ADAMTSL3: variants seen among roughly 807,000 people sequenced by gnomAD.
ADAMTSL3 encodes the protein ADAMTS like 3.
In ADAMTSL3, 128 loss-of-function variants were observed where a neutral mutation model predicts 201.7. The ratio of observed to expected loss-of-function variants is 0.63; its 90% CI spans 0.55 to 0.73. The LOEUF is 0.73. Among genes scored for constraint, ADAMTSL3 ranks in the 30% least tolerant of loss-of-function variants. ADAMTSL3 has a pLI of 0.00. For synonymous variants in ADAMTSL3, 738 were observed against 748.4 expected, an observed-to-expected ratio of 0.99 and a Z score of 0.23; for missense variants, 1,990 against 2,119.6, an observed-to-expected ratio of 0.94 and a Z score of 1.20.
chr15:83,668,512 GTT>G (rs1230252958), intron 2 of ADAMTSL3, among the ~76,000 whole-genome samples: 3 of 151,722 alleles, frequency 2.0e-5, no homozygotes, highest in Non-Finnish European at 4.4e-5. Flanking sequence ...GTGTATGTGT[GTT>G]TGTGTTTCAG....
At chr15:83,910,436 G>A (rs2065910156) in intron 15 of ADAMTSL3, among the ~76,000 whole-genome samples, 1 of 146,516 alleles carries the variant, frequency 6.8e-6, no homozygotes, top group African/African-American at 2.5e-5. Context: ...GCTGGATTCT[G>A]TGTAATTATT....
chr15:83,812,932 A>G (rs1219641977), intron 5 of ADAMTSL3, among the ~76,000 whole-genome samples: 2 of 152,222 alleles, frequency 1.3e-5, no homozygotes, highest in African/African-American at 4.8e-5. Flanking sequence ...AACCTGCCCA[A>G]GGTCACAGAA....
Position 83,688,755 on chromosome 15 carries a change from T to TACAC in ADAMTSL3, c.70-15610_70-15607dup, listed in dbSNP as rs34509050. Among the ~76,000 whole-genome samples, 31 of 149,086 alleles carry TACAC rather than the reference T, an allele frequency of 2.1e-4. No homozygotes were observed. The East Asian group carries it at 2.1e-3, about 10-fold the overall frequency. On this transcript the variant is annotated intron_variant, in intron 2 of 29. Coordinates refer to ENST00000286744, the MANE Select transcript of ADAMTSL3 (RefSeq NM_207517.3). ...TGTTAAGTATACACATGCATATATA[T>TACAC]ACACACACACACACACACACACACA...
chr15:83,714,791 T>TTCTTTCTTTCTTTTTCTTTCTCTC (rs1555433213), intron 3 of ADAMTSL3, among the ~76,000 whole-genome samples: 2 of 78,796 alleles, frequency 2.5e-5, no homozygotes, highest in Non-Finnish European at 2.6e-5. Flanking sequence ...TTCTTTTTCT[T>TTCTTTCTTTCTTTTTCTTTCTCTC]TCTCTCTCTT....
At chr15:84,023,881 T>G (rs1046722611) in intron 26 of ADAMTSL3, among the ~76,000 whole-genome samples, 9 of 152,298 alleles carry the variant, frequency 5.9e-5, no homozygotes, top group African/African-American at 2.2e-4. Flanking sequence ...AGAACCAGGT[T>G]TTTGAATATG....
chr15:83,935,867 G>C (rs1435315920), intron 17 of ADAMTSL3, among the ~76,000 whole-genome samples: 3 of 151,968 alleles, frequency 2.0e-5, no homozygotes, highest in Non-Finnish European at 4.4e-5. Flanking sequence ...AATTAAATGA[G>C]TTAATACATA....
intron 19 of ADAMTSL3, among the ~76,000 whole-genome samples, chr15:83,960,459 G>C (rs2066945938): frequency 6.6e-6 from 1 of 152,144 alleles, no homozygotes; most frequent in South Asian, 2.1e-4. Context: ...TGAAAGGCCT[G>C]TTCTAGTTCT....
chr15:84,005,350 C>T (rs1012353457), intron 23 of ADAMTSL3, among the ~76,000 whole-genome samples: 1 of 152,194 alleles, frequency 6.6e-6, no homozygotes, highest in African/African-American at 2.4e-5. Context: ...CAGGAAGGGC[C>T]TCAGGAATGT....
chr15:83,703,021 C>T (rs1432948941), intron 2 of ADAMTSL3, among the ~76,000 whole-genome samples: 1 of 152,118 alleles, frequency 6.6e-6, no homozygotes, highest in Non-Finnish European at 1.5e-5. Flanking sequence ...CCATGAGAAC[C>T]CACCTCTTGC....
intron 17 of ADAMTSL3, among the ~76,000 whole-genome samples, chr15:83,926,558 A>G (rs968758736): frequency 6.6e-6 from 1 of 151,942 alleles, no homozygotes; most frequent in African/African-American, 2.4e-5. Flanking sequence ...GCCTGCCTCC[A>G]TGTGAATCTG....
chr15:83,773,071 A>T (rs11854438), intron 3 of ADAMTSL3, among the ~76,000 whole-genome samples: 1 of 151,998 alleles, frequency 6.6e-6, no homozygotes, highest in Non-Finnish European at 1.5e-5. Context: ...ACTGCTTTTC[A>T]TATAAACCTG....
chr15:83,693,987 C>A (rs2061646804), intron 2 of ADAMTSL3, among the ~76,000 whole-genome samples: 1 of 152,162 alleles, frequency 6.6e-6, no homozygotes, highest in Non-Finnish European at 1.5e-5. Context: ...GACAAAGATG[C>A]CTTTTCTCTG....
intron 7 of ADAMTSL3, 119 bp downstream of exon 7, chr15:83,838,334 A>G (rs984344173): frequency 3.0e-5 from 39 of 1,306,592 alleles, no homozygotes; most frequent in Non-Finnish European, 3.9e-5. Flanking sequence ...TTTTGTACCA[A>G]TTTTCTAAAA....
chr15:83,982,524 T>A lies in ADAMTSL3; in HGVS notation c.2896T>A (p.Ser966Thr). Reference protein sequence around the residue: ...SKRLGITKSGSLKIHGLAAPD... With the variant: ...SKRLGITKSGTLKIHGLAAPD... The stretch of plus-strand genomic sequence containing the variant: ...ACGGCTTGGCATCACCAAGTCAGGC[T>A]CACTAAAAATCCATGGTCTTGCTGC... The change falls in exon 21 of 30, where the codon TCA (serine) becomes ACA (threonine). Residue 966 changes from serine to threonine, a missense_variant. Ser to Thr is a moderately conservative substitution (Grantham distance 58). Transcript: ENST00000286744. 1.2e-6 allele frequency: 2 copies of A among 1,614,170 alleles called. No homozygotes were observed. The highest frequency in any genetic ancestry group is 1.7e-6 in the Non-Finnish European group (2 of 1,180,030).
At position 83,982,377 on chromosome 15, in the gene ADAMTSL3, A is replaced by G; in HGVS notation, c.2749A>G (p.Thr917Ala). ...QTREEKRINL[T>A]IGSRAYLLPN... ...AAGGGAAGAGAAGCGTATTAACCTG[A>G]CCATTGGTAGCAGAGCCTATTTGCT... Residue 917 changes from threonine to alanine, a missense_variant, in exon 21 of 30, where the codon ACC (threonine) becomes GCC (alanine). Thr to Ala is a moderately conservative substitution (Grantham distance 58, BLOSUM62 0). Coordinates refer to ENST00000286744, the MANE Select transcript of ADAMTSL3 (RefSeq NM_207517.3). 6.2e-7 allele frequency: 1 copy of G among 1,614,124 alleles called. No individual in the cohort carries two copies. Among genetic ancestry groups the G allele is most frequent in the Non-Finnish European group, 8.5e-7 (1 of 1,180,012 alleles).
chr15:83,743,858 T>G (rs2062498594), intron 3 of ADAMTSL3, among the ~76,000 whole-genome samples: 1 of 152,104 alleles, frequency 6.6e-6, no homozygotes, highest in Admixed American at 6.6e-5. Flanking sequence ...CTCATATATC[T>G]TTTTAATTTT....
At chr15:83,836,010 C>G (rs1408099874) in intron 6 of ADAMTSL3, among the ~76,000 whole-genome samples, 1 of 152,188 alleles carries the variant, frequency 6.6e-6, no homozygotes, top group Non-Finnish European at 1.5e-5. Flanking sequence ...CACCTCATGA[C>G]AAAATTGCTC....
rs1027800989 is a variant in ADAMTSL3 at position 83,693,121 on chromosome 15, G to A, written c.70-11268G>A. 4.6e-5 allele frequency among the ~76,000 whole-genome samples: 7 copies of A among 152,064 alleles called. No homozygotes were observed. In the South Asian group the frequency reaches 6.2e-4, roughly 14 times the overall value. ...CTACTGAATTAACACAAATGCATGC[G>A]TGAGAATATACACAGATTTGTCTGA... On this transcript the variant is annotated intron_variant, in intron 2 of 29. Transcript: ENST00000286744.
chr15:83,742,404 A>T (rs2062471224), intron 3 of ADAMTSL3, among the ~76,000 whole-genome samples: 1 of 152,148 alleles, frequency 6.6e-6, no homozygotes, highest in Admixed American at 6.5e-5. Flanking sequence ...CTTCCAACTT[A>T]TGACAGTAGA....
Sources: allele counts gnomAD v4.1 joint callset (sites outside exome capture counted in the v4.1 genomes callset), GRCh38; gene constraint gnomAD v4.1.1; transcripts MANE v1.5; gene names NCBI Gene and HGNC (gene_info 2026-07-23, HGNC 2026-07-21).